The following FRY variants were observed in gnomAD, a reference collection of about 807,000 sequenced individuals.
FRY encodes protein furry homolog.
A neutral mutation model predicts 348.4 loss-of-function variants in FRY; 128 were observed. The observed-to-expected ratio is 0.37, with a 90% CI of 0.32 to 0.43. The LOEUF (loss-of-function observed/expected upper bound fraction) is 0.43, where lower values mean the gene tolerates loss of function less well. Ranked by LOEUF, FRY falls within the 20% of genes least tolerant of loss-of-function variation. The pLI is 1.00. For missense variants in FRY, 2,736 were observed against 3,695.2 expected (o/e 0.74, Z 6.73); for synonymous variants, 1,370 against 1,374.7 (o/e 1.00, Z 0.08).
In FRY at chr13:32,289,484, T is replaced by C. The variant is rs151215744; in HGVS notation, c.8470-149T>C. Reference sequence around the variant, plus strand: ...TTCTCACTGGTATTTATTTAATGACTGTATTTCATTTTTCTGTTTTATTTG... The same window carrying C: ...TTCTCACTGGTATTTATTTAATGACCGTATTTCATTTTTCTGTTTTATTTG... On this transcript the variant is annotated intron_variant, in intron 58 of 60. Coordinates refer to ENST00000542859, the MANE Select transcript of FRY (RefSeq NM_023037.3). The C allele has an allele frequency of 5.7e-4, 365 of 636,452 alleles. No homozygotes were observed. In the African/African-American group the frequency reaches 6.1e-3, roughly 11 times the overall value. 39.4% of individuals were successfully genotyped at this position (636,452 alleles called of 1,614,324 possible).
intron 3 of FRY, among the ~76,000 whole-genome samples, chr13:32,102,885 T>C (rs1361309514): frequency 1.3e-5 from 2 of 152,210 alleles, no homozygotes; most frequent in Non-Finnish European, 2.9e-5. Flanking sequence ...AAAATACTGC[T>C]AGATATTCCC....
At chr13:32,107,982 C>T (rs1002411369) in intron 3 of FRY, among the ~76,000 whole-genome samples, 1 of 152,140 alleles carries the variant, frequency 6.6e-6, no homozygotes, top group Non-Finnish European at 1.5e-5. Context: ...AACTAAAAAT[C>T]GTTCTGGTAA....
chr13:32,251,368 G>A (rs1269279556), intron 49 of FRY, among the ~76,000 whole-genome samples: 3 of 152,292 alleles, frequency 2.0e-5, no homozygotes, highest in East Asian at 1.9e-4. Flanking sequence ...TCTACAGAAA[G>A]TATTCTTCTA....
At chr13:32,085,363 C>G (rs1875787138) in intron 2 of FRY, among the ~76,000 whole-genome samples, 1 of 152,172 alleles carries the variant, frequency 6.6e-6, no homozygotes, top group South Asian at 2.1e-4. Context: ...AAAAACAAGA[C>G]TCTCCAGTTT....
intron 59 of FRY, among the ~76,000 whole-genome samples, chr13:32,293,606 T>A (rs959298616): frequency 9.9e-5 from 15 of 152,232 alleles, no homozygotes; most frequent in Non-Finnish European, 2.1e-4. Flanking sequence ...AACAACCATC[T>A]TCCGTAGTAT....
chr13:32,135,683 G>A (rs888191403), intron 10 of FRY, among the ~76,000 whole-genome samples: 1 of 152,192 alleles, frequency 6.6e-6, no homozygotes, highest in Non-Finnish European at 1.5e-5. Flanking sequence ...CTGAAGAGCA[G>A]TATAGAAAAT....
At chr13:32,174,345 C>A (rs1882257181) in intron 19 of FRY, among the ~76,000 whole-genome samples, 1 of 152,116 alleles carries the variant, frequency 6.6e-6, no homozygotes. Flanking sequence ...TATTTCAGGG[C>A]CACATCTCTG....
intron 1 of FRY, among the ~76,000 whole-genome samples, chr13:32,039,469 TTCTC>T (rs766142410): frequency 2.0e-4 from 30 of 146,438 alleles, no homozygotes; most frequent in Admixed American, 2.1e-4. Context: ...CTCTCTTTCT[TTCTC>T]TCTCTGTCTC....
chr13:32,132,368 A>G (rs1879423899), intron 8 of FRY, among the ~76,000 whole-genome samples: 1 of 152,032 alleles, frequency 6.6e-6, no homozygotes, highest in Admixed American at 6.6e-5. Context: ...TAGAGTTTAC[A>G]AAACTTTGGT....
At chr13:32,167,224 G>A (rs1338627764) in intron 17 of FRY, among the ~76,000 whole-genome samples, 1 of 152,190 alleles carries the variant, frequency 6.6e-6, no homozygotes, top group Non-Finnish European at 1.5e-5. Flanking sequence ...TAGGGCTGCT[G>A]TAACAAAGTG....
chr13:32,212,547 C>T (rs542138469), intron 35 of FRY, among the ~76,000 whole-genome samples, 165 bp downstream of exon 35: 76 of 152,220 alleles, frequency 5.0e-4, no homozygotes, highest in African/African-American at 1.7e-3. Context: ...CAGTATATCC[C>T]TAAAGATAAC....
At chr13:32,077,223 G>T (rs974716342) in intron 1 of FRY, among the ~76,000 whole-genome samples, 1 of 152,192 alleles carries the variant, frequency 6.6e-6, no homozygotes, top group African/African-American at 2.4e-5. Context: ...GGGTGCTGAG[G>T]CTGGATGATG....
chr13:32,056,415 G>C (rs573381409), intron 1 of FRY, among the ~76,000 whole-genome samples: 1 of 152,150 alleles, frequency 6.6e-6, no homozygotes. Context: ...TTTTCAGGTT[G>C]CATTTGTTTG....
chr13:32,114,459 T>G (rs905858782), intron 3 of FRY, among the ~76,000 whole-genome samples: 2 of 152,174 alleles, frequency 1.3e-5, no homozygotes, highest in African/African-American at 4.8e-5. Context: ...TCCATGCACA[T>G]TATTGTTAAC....
At chr13:32,200,195 T>C (rs750118651) in intron 29 of FRY, among the ~76,000 whole-genome samples, 4 of 152,146 alleles carry the variant, frequency 2.6e-5, no homozygotes, top group Admixed American at 6.5e-5. Flanking sequence ...TTCTCAATAC[T>C]GCCACAATGG....
chr13:32,153,747 G>T (rs1017020335), intron 14 of FRY, among the ~76,000 whole-genome samples: 6 of 152,186 alleles, frequency 3.9e-5, no homozygotes, highest in Non-Finnish European at 5.9e-5. Context: ...AGAGATATTT[G>T]CCAGCAGCAG....
At chr13:32,191,326 A>G (rs1316558316) in intron 28 of FRY, among the ~76,000 whole-genome samples, 2 of 152,220 alleles carry the variant, frequency 1.3e-5, no homozygotes, top group African/African-American at 4.8e-5. Context: ...ATTCACCAAA[A>G]GACACCATTA....
chr13:32,247,138 A>G (rs1011312105), intron 47 of FRY, among the ~76,000 whole-genome samples, 185 bp from the exon 48 acceptor site: 2 of 152,154 alleles, frequency 1.3e-5, no homozygotes, highest in Admixed American at 1.3e-4. Flanking sequence ...TCTCCTAAAC[A>G]TAGCTCCTTT....
intron 19 of FRY, among the ~76,000 whole-genome samples, chr13:32,175,044 G>A (rs1882291567): frequency 6.6e-6 from 1 of 152,036 alleles, no homozygotes; most frequent in Non-Finnish European, 1.5e-5. Context: ...GTATCAAATA[G>A]TTACATACTA....
Sources: gnomAD v4.1 joint callset for allele counts (sites outside exome capture counted in the v4.1 genomes callset) on GRCh38, gnomAD v4.1.1 for gene constraint, MANE v1.5 for transcripts, NCBI Gene and HGNC (gene_info 2026-07-23, HGNC 2026-07-21) for gene names.